Variants in FSTL4 observed in about 807,000 individuals in gnomAD.
FSTL4 encodes the protein follistatin-related protein 4.
FSTL4 carries 28 observed loss-of-function variants against 78.2 expected under a neutral mutation model. The observed-to-expected ratio is 0.36, with a 90% CI of 0.27 to 0.49. FSTL4 has a LOEUF of 0.49. Among genes scored for constraint, FSTL4 ranks in the 20% least tolerant of loss-of-function variants. The pLI, the probability that FSTL4 is intolerant of heterozygous loss-of-function variation, is 0.98. For missense variants in FSTL4, 922 were observed against 1,084.9 expected (o/e 0.85, Z 2.11); for synonymous variants, 422 against 440.5 (o/e 0.96, Z 0.53).
At chr5:133,572,900 G>T (rs115052952) in intron 2 of FSTL4, among the ~76,000 whole-genome samples, 2,616 of 152,168 alleles carry the variant, frequency 0.017, 79 homozygotes, top group African/African-American at 0.059. Context: ...GAAAACATGG[G>T]TTTATATTTA....
the FSTL4 span, among the ~76,000 whole-genome samples, chr5:133,767,557 C>T: frequency 1.3e-5 from 2 of 152,118 alleles, no homozygotes; most frequent in Non-Finnish European, 2.9e-5. Flanking sequence ...GGTTTTTGAG[C>T]CTGGAGGTAG....
intron 4 of FSTL4, among the ~76,000 whole-genome samples, chr5:133,389,139 CTTCTGT>C (rs1348974564): frequency 6.6e-6 from 1 of 152,106 alleles, no homozygotes; most frequent in East Asian, 1.9e-4. Context: ...CTAAAATGAG[CTTCTGT>C]TTCTTGTAAT....
the FSTL4 span, among the ~76,000 whole-genome samples, chr5:133,725,414 A>G: frequency 6.6e-6 from 1 of 152,176 alleles, no homozygotes; most frequent in Non-Finnish European, 1.5e-5. Context: ...TCAGTAAATA[A>G]CAGTTCTACA....
intron 4 of FSTL4, among the ~76,000 whole-genome samples, chr5:133,352,361 C>CAT (rs1378543182): frequency 5.4e-5 from 8 of 147,136 alleles, no homozygotes; most frequent in Middle Eastern, 3.7e-3. Context: ...TATACACACA[C>CAT]ATATATATAC....
intron 3 of FSTL4, among the ~76,000 whole-genome samples, chr5:133,420,976 T>A (rs1756680482): frequency 6.6e-6 from 1 of 152,224 alleles, no homozygotes; most frequent in Non-Finnish European, 1.5e-5. Context: ...CTCCTCAGCA[T>A]CCCAGGATGG....
the FSTL4 span, among the ~76,000 whole-genome samples, chr5:133,660,758 A>G: frequency 6.6e-6 from 1 of 152,312 alleles, no homozygotes; most frequent in South Asian, 2.1e-4. Flanking sequence ...TTTCTTTTAC[A>G]CACAGTCATA....
intron 3 of FSTL4, among the ~76,000 whole-genome samples, chr5:133,505,954 T>C (rs771221083): frequency 2.0e-5 from 3 of 152,188 alleles, no homozygotes; most frequent in Non-Finnish European, 2.9e-5. Flanking sequence ...ATTCTTCAAG[T>C]AGGTTTATTT....
chr5:133,406,816 C>G (rs969293111), intron 3 of FSTL4, among the ~76,000 whole-genome samples: 1 of 152,228 alleles, frequency 6.6e-6, no homozygotes, highest in Non-Finnish European at 1.5e-5. Context: ...GACACAGAGG[C>G]CCTACTCAGC....
At chr5:133,252,003 A>G (rs1448706999) in intron 6 of FSTL4, 1 of 152,386 alleles carries the variant, frequency 6.6e-6, no homozygotes, top group African/African-American at 2.4e-5. Flanking sequence ...TGCCGTGGGA[A>G]GTGAGGCCGC....
chr5:133,394,390 G>A lies in FSTL4; in HGVS notation c.409+6348C>T, dbSNP rs916804811. Among the ~76,000 whole-genome samples the A allele has an allele frequency of 1.1e-4, 17 of 152,322 alleles. 1 individual carries two copies. The highest frequency in any genetic ancestry group is 1.9e-4 in the Non-Finnish European group (13 of 68,024). On this transcript the variant is annotated intron_variant, in intron 4 of 15. Transcript: ENST00000265342. ...GGCGGGAACTGGGGCTGCGTGTGAC[G>A]CTCGTGGGCCAGCCTGAGTTCCAGG...
intron 6 of FSTL4, among the ~76,000 whole-genome samples, chr5:133,267,669 C>T (rs1474387195): frequency 5.3e-5 from 8 of 152,116 alleles, no homozygotes; most frequent in African/African-American, 1.9e-4. Context: ...AGATGTGTTT[C>T]AGAAACTGAG....
intron 6 of FSTL4, among the ~76,000 whole-genome samples, chr5:133,251,522 A>G (rs927445992): frequency 6.6e-6 from 1 of 152,062 alleles, no homozygotes; most frequent in Non-Finnish European, 1.5e-5. Context: ...GGCCTCCTAG[A>G]TCACTGCATC....
At position 133,199,161 on chromosome 5, in the gene FSTL4, G is replaced by A. The variant is rs544273813; in HGVS notation, c.2463C>T (p.Asn821=). ...ESLFLINGRQ[N]TLRCEVSGIK... is the part of the protein sequence containing the mutation. ...TACCTGACACCTCACACCGCAGCGT[G>A]TTTTGTCTCCCATTGATGAGGAACA... The change falls in exon 16 of 16, where the codon AAC becomes AAT. Residue 821 remains asparagine, a synonymous_variant. Transcript: ENST00000265342. This position sits in a 1 kb window ranked among gnomAD's most constrained non-coding sequence, Gnocchi z 4.4. The A allele has an allele frequency of 3.7e-6, 6 of 1,606,812 alleles. No individual in the cohort carries two copies. The highest frequency in any genetic ancestry group is 1.1e-5 in the South Asian group (1 of 90,454).
intron 2 of FSTL4, among the ~76,000 whole-genome samples, chr5:133,590,138 G>A (rs1760594053): frequency 7.4e-6 from 1 of 135,338 alleles, no homozygotes; most frequent in East Asian, 2.1e-4. Context: ...ACACAGTCTT[G>A]CTCTGTCGCT....
chr5:133,368,041 C>T (rs1755214529), intron 4 of FSTL4, among the ~76,000 whole-genome samples: 1 of 152,272 alleles, frequency 6.6e-6, no homozygotes, highest in South Asian at 2.1e-4. Flanking sequence ...TACCCTTGTC[C>T]AAGGGGAGTT....
intron 3 of FSTL4, among the ~76,000 whole-genome samples, chr5:133,550,531 T>C (rs955209136): frequency 6.6e-6 from 1 of 152,206 alleles, no homozygotes; most frequent in African/African-American, 2.4e-5. Context: ...ATGGCTAATA[T>C]AGAGCCTACT....
chr5:133,563,776 G>A (rs916648148), intron 3 of FSTL4, among the ~76,000 whole-genome samples: 2 of 152,156 alleles, frequency 1.3e-5, no homozygotes, highest in Non-Finnish European at 2.9e-5. Context: ...ACCAAGTTTG[G>A]AAAATGCTGC....
chr5:133,404,920 G>A (rs796454998), intron 3 of FSTL4, among the ~76,000 whole-genome samples: 5 of 152,238 alleles, frequency 3.3e-5, no homozygotes, highest in African/African-American at 9.6e-5. Context: ...GAAAACTAAC[G>A]AGTGCTCCCT....
At chr5:133,547,308 T>A (rs1759599652) in intron 3 of FSTL4, among the ~76,000 whole-genome samples, 1 of 152,200 alleles carries the variant, frequency 6.6e-6, no homozygotes, top group African/African-American at 2.4e-5. Flanking sequence ...TGGAAGTAGA[T>A]AACTCATTTT....
Sources: allele counts gnomAD v4.1 joint callset (sites outside exome capture counted in the v4.1 genomes callset), GRCh38; gene constraint gnomAD v4.1.1; non-coding constraint Gnocchi (gnomAD v3.1); transcripts MANE v1.5; gene names NCBI Gene and HGNC (gene_info 2026-07-23, HGNC 2026-07-21).